The following MIA3 variants were observed in gnomAD, a reference collection of about 807,000 sequenced individuals.
The protein encoded by MIA3 is MIA SH3 domain ER export factor 3.
A neutral mutation model predicts 192.4 loss-of-function variants in MIA3; 90 were observed. The observed-to-expected ratio is 0.47, with a 90% CI of 0.39 to 0.56. The LOEUF (loss-of-function observed/expected upper bound fraction) is 0.56. Among genes scored for constraint, MIA3 ranks in the 20% least tolerant of loss-of-function variants. The probability of loss-of-function intolerance (pLI) is 0.00; values close to 1 mark genes in which losing one functional copy is unlikely to be tolerated. For synonymous variants in MIA3, 740 were observed against 792.8 expected (o/e 0.93, Z 1.12); for missense variants, 2,123 against 2,269.4 (o/e 0.94, Z 1.31).
At chr1:222,622,503 A>T (rs1661917934) in intron 2 of MIA3, among the ~76,000 whole-genome samples, 1 of 152,332 alleles carries the variant, frequency 6.6e-6, no homozygotes, top group South Asian at 2.1e-4. Context: ...CCCCTTGGGG[A>T]AAATAGACTG....
At chr1:222,645,767 C>T (rs1663109372) in intron 7 of MIA3, 82 bp downstream of exon 7, 1 of 1,216,324 alleles carries the variant, frequency 8.2e-7, no homozygotes, top group Admixed American at 2.4e-5. Flanking sequence ...TTTTCAGTTT[C>T]TAATATGAAC....
rs1662435956 is a variant in MIA3 at position 222,632,333 on chromosome 1, C to T, written c.3331+7C>T. The T allele has an allele frequency of 8.7e-6, 14 of 1,605,110 alleles. No homozygotes were observed. The highest frequency in any genetic ancestry group is 1.2e-5 in the Non-Finnish European group (14 of 1,177,294). On this transcript the variant is annotated splice_region_variant and intron_variant, in intron 5 of 27. Coordinates refer to ENST00000344922, the MANE Select transcript of MIA3 (RefSeq NM_198551.4). Reference sequence around the variant, plus strand: ...GAGAAAGACCTGGACCCAGGTAAAGCCTGCTAATTTTTTTCTACAAAGTGG... The same window carrying T: ...GAGAAAGACCTGGACCCAGGTAAAGTCTGCTAATTTTTTTCTACAAAGTGG...
At chr1:222,648,667 T>C (rs1382804334) in intron 7 of MIA3, among the ~76,000 whole-genome samples, 162 bp from the exon 8 acceptor site, 1 of 152,194 alleles carries the variant, frequency 6.6e-6, no homozygotes, top group Non-Finnish European at 1.5e-5. Context: ...TTTGAAATGC[T>C]TTTTAACCTT....
At chr1:222,625,792 A>G (rs1662088411) in intron 3 of MIA3, among the ~76,000 whole-genome samples, 1 of 152,178 alleles carries the variant, frequency 6.6e-6, no homozygotes, top group South Asian at 2.1e-4. Context: ...GCTGGAGTGC[A>G]GTGGTGCGAT....
chr1:222,662,166 G>A (rs762245780), intron 25 of MIA3, 42 bp downstream of exon 25: 192 of 1,604,874 alleles, frequency 1.2e-4, no homozygotes, highest in Admixed American at 9.0e-4. Flanking sequence ...AACCATGCAG[G>A]AAGTGGGGAG....
rs536338173 is a variant in MIA3, at chr1:222,664,385, C to T, written c.5413+237C>T. On this transcript the variant is annotated intron_variant, in intron 27 of 27. Coordinates refer to ENST00000344922, the MANE Select transcript of MIA3 (RefSeq NM_198551.4). ...AGGAAAGGGGCTATTTATAAAAAGCCAGAAATATTCATCACATTGAACATC... is the reference window on the plus strand; with the variant it reads ...AGGAAAGGGGCTATTTATAAAAAGCTAGAAATATTCATCACATTGAACATC... 2.6e-5 allele frequency among the ~76,000 whole-genome samples: 4 copies of T among 152,304 alleles called. No individual in the cohort carries two copies. The East Asian group carries it at 5.8e-4, about 22-fold the overall frequency.
At chr1:222,644,353 CGAAGTTCAATCCCA>C in intron 6 of MIA3, 4 of 1,489,124 alleles carry the variant, frequency 2.7e-6, no homozygotes, top group Non-Finnish European at 3.6e-6. Context: ...CTGTGGAAGG[CGAAGTTCAATCCCA>C]GAGTCCGCCC....
chr1:222,659,695 A>C (rs1201851460), intron 21 of MIA3, 38 bp downstream of exon 21: 1 of 1,613,694 alleles, frequency 6.2e-7, no homozygotes, highest in African/African-American at 1.3e-5. Context: ...TTTTGTGCAT[A>C]GTCTCCCACA....
intron 19 of MIA3, 192 bp downstream of exon 19, chr1:222,659,015 C>A: frequency 2.0e-6 from 1 of 492,460 alleles, no homozygotes. Context: ...TGTAAGGGAA[C>A]TTGATTCGTG....
At position 222,653,284 on chromosome 1, in the gene MIA3, G is replaced by T; in HGVS notation, c.4266G>T (p.Glu1422Asp). Residue 1422 changes from glutamate (E) to aspartate (D), a missense_variant, in exon 15 of 28, where the codon GAG (glutamate) becomes GAT (aspartate). Glu to Asp is a conservative substitution (Grantham distance 45, BLOSUM62 2). Around this residue, in one of 3 missense-constraint regions of MIA3, gnomAD observed 762 missense variants for 856.4 expected, o/e 0.89. Transcript: ENST00000344922. ...LNLLECESES[E>D]GQNKGGNDSD... ...TGTTAGAGTGTGAATCTGAATCTGAGGGTCAAAATAAAGGTGGAAATGATT... is the reference window on the plus strand; with the variant it reads ...TGTTAGAGTGTGAATCTGAATCTGATGGTCAAAATAAAGGTGGAAATGATT... The T allele has an allele frequency of 6.2e-7, 1 of 1,613,960 alleles. No individual in the cohort carries two copies. The highest frequency in any genetic ancestry group is 8.5e-7 in the Non-Finnish European group (1 of 1,179,884).
Position 222,665,449 on chromosome 1 carries a change from G to A in MIA3, c.5554G>A (p.Glu1852Lys). The change falls in exon 28 of 28, where the codon GAG becomes AAG. Residue 1852 changes from glutamate to lysine, a missense_variant. Glu to Lys is a moderately conservative substitution (Grantham distance 56, BLOSUM62 1). Coordinates refer to ENST00000344922, the MANE Select transcript of MIA3 (RefSeq NM_198551.4). The part of the protein sequence containing the change: ...FRPLGSLGPR[E>K]YFIPGTRLPP... ...ACCTTTAGGTTCACTTGGCCCAAGA[G>A]AGTACTTTATTCCTGGTACCCGATT... The A allele has an allele frequency of 6.2e-7, 1 of 1,614,006 alleles. No homozygotes were observed. Among genetic ancestry groups the A allele is most frequent in the South Asian group, 1.1e-5 (1 of 91,062 alleles).
In MIA3 at chr1:222,666,150, C is replaced by CAA. The variant is rs1336615408; in HGVS notation, c.*532_*533dup. ...TAAAAATTTGTTTATTAATATTTCC[C>CAA]AAGTGTCTGTTGACTCATTGGACTG... On this transcript the variant is annotated 3_prime_UTR_variant, in exon 28 of 28. Coordinates refer to ENST00000344922, the MANE Select transcript of MIA3 (RefSeq NM_198551.4). 1 of 152,136 alleles carries CAA rather than the reference C, an allele frequency of 6.6e-6. No homozygotes were observed. Among genetic ancestry groups the CAA allele is most frequent in the Non-Finnish European group, 1.5e-5 (1 of 68,072 alleles). The allele number at this position is 152,136 out of a possible 1,614,324, so 9.4% of individuals were successfully genotyped here. A position where few individuals can be genotyped will look rare whatever the true frequency, so the allele number is the denominator to read the frequency against.
At chr1:222,655,378 A>G (rs1200763327) in intron 18 of MIA3, among the ~76,000 whole-genome samples, 1 of 152,184 alleles carries the variant, frequency 6.6e-6, no homozygotes, top group African/African-American at 2.4e-5. Context: ...ACCTTTTGAG[A>G]GGTATATTTT....
chr1:222,639,411 C>CAAGGCA (rs1002711472), intron 6 of MIA3, among the ~76,000 whole-genome samples: 1 of 152,056 alleles, frequency 6.6e-6, no homozygotes, highest in African/African-American at 2.4e-5. Context: ...GATATCAAAA[C>CAAGGCA]AAGGCAAAGA....
At chr1:222,654,121 G>C (rs1434603239) in intron 15 of MIA3, 122 bp from the exon 16 acceptor site, 5 of 924,146 alleles carry the variant, frequency 5.4e-6, no homozygotes, top group Non-Finnish European at 8.3e-6. Flanking sequence ...ATCCTTTTCT[G>C]TTTTTGTTTG....
At chr1:222,623,164 C>G (rs1649973979) in intron 2 of MIA3, among the ~76,000 whole-genome samples, 1 of 152,296 alleles carries the variant, frequency 6.6e-6, no homozygotes, top group East Asian at 1.9e-4. Context: ...CGATACTCTA[C>G]TTTCCCTCCT....
At chr1:222,658,334 G>A (rs775300107) in intron 18 of MIA3, among the ~76,000 whole-genome samples, 63 of 152,172 alleles carry the variant, frequency 4.1e-4, no homozygotes, top group South Asian at 4.1e-4. Context: ...AAATTAATTA[G>A]TGGTCTTTCC....
intron 4 of MIA3, 50 bp from the exon 5 acceptor site, chr1:222,632,115 C>G (rs1214539942): frequency 8.3e-6 from 13 of 1,573,364 alleles, no homozygotes; most frequent in Admixed American, 3.5e-5. Context: ...ATTAGCCTAA[C>G]AGGTAGTGTC....
At position 222,630,401 on chromosome 1, in the gene MIA3, A is replaced by G. The variant is rs1409254474; in HGVS notation, c.3169+12A>G. The G allele has an allele frequency of 3.2e-6, 5 of 1,582,750 alleles. No homozygotes were observed. Among genetic ancestry groups the G allele is most frequent in the Middle Eastern group, 1.7e-4 (1 of 5,806 alleles). ...TGGAGCAATGGAAGGTGAGATGCCT[A>G]TGGCCTTGTAGAACAGGGCTGGAGA... On this transcript the variant is annotated intron_variant, in intron 4 of 27. Transcript: ENST00000344922.
Sources: allele counts gnomAD v4.1 joint callset (sites outside exome capture counted in the v4.1 genomes callset), GRCh38; gene constraint gnomAD v4.1.1; regional missense constraint gnomAD v4.1.1; transcripts MANE v1.5; gene names NCBI Gene and HGNC (gene_info 2026-07-23, HGNC 2026-07-21).